EGFLAM: variants seen among roughly 807,000 people sequenced by gnomAD.
EGFLAM encodes the protein EGF like, fibronectin type III and laminin G domains, also known as pikachurin.
EGFLAM carries 79 observed loss-of-function variants against 113.1 expected under a neutral mutation model. That is an observed-to-expected ratio of 0.70 (90% CI 0.58 to 0.84). The LOEUF is 0.84. Ranked by LOEUF, EGFLAM falls within the 40% of genes least tolerant of loss-of-function variation. The pLI is 0.00. For missense variants in EGFLAM, 1,265 were observed against 1,291.6 expected (o/e 0.98, Z 0.32); for synonymous variants, 504 against 487.6 (o/e 1.03, Z -0.44).
chr5:38,435,214 C>CT lies in EGFLAM; in HGVS notation c.2245dup (p.Ser749PhefsTer18). On this transcript the variant is annotated frameshift_variant, in exon 16 of 22. Coordinates refer to ENST00000322350, the MANE Select transcript of EGFLAM (RefSeq NM_152403.4). LOFTEE classifies it high-confidence loss of function. ...CCAATTATGATGATGTGAAGAAGAACTCGGGTGTCCTGAAGCCTTTCAGCG... is the reference window on the plus strand; with the variant it reads ...CCAATTATGATGATGTGAAGAAGAACTTCGGGTGTCCTGAAGCCTTTCAGCG... The CT allele has an allele frequency of 6.2e-7, 1 of 1,614,138 alleles. No homozygotes were observed. The highest frequency in any genetic ancestry group is 8.5e-7 in the Non-Finnish European group (1 of 1,180,026).
intron 5 of EGFLAM, among the ~76,000 whole-genome samples, chr5:38,361,692 TCCTAGG>T (rs2112013747): frequency 6.6e-6 from 1 of 152,250 alleles, no homozygotes; most frequent in South Asian, 2.1e-4. Flanking sequence ...TTCAAAGCTG[TCCTAGG>T]CCGCATGTGG....
In EGFLAM at chr5:38,334,761, T is replaced by A. The variant is rs1228917083; in HGVS notation, c.98-2759T>A. Among the ~76,000 whole-genome samples, 3 of 152,230 alleles carry A rather than the reference T, an allele frequency of 2.0e-5. No homozygotes were observed. The East Asian group carries it at 5.8e-4, about 29-fold the overall frequency. ...AAGAGCTGGTGGGGCTGTGTTACTT[T>A]ATACTGTTACTTATACATCTCATGT... On this transcript the variant is annotated intron_variant, in intron 1 of 21. Transcript: ENST00000322350.
chr5:38,370,495 G>C, intron 6 of EGFLAM, 33 bp downstream of exon 6: 1 of 1,602,492 alleles, frequency 6.2e-7, no homozygotes, highest in Non-Finnish European at 8.5e-7. Context: ...GGGACCAAGG[G>C]AGCTGCATAT....
intron 6 of EGFLAM, among the ~76,000 whole-genome samples, chr5:38,405,699 T>C (rs1295501230): frequency 6.6e-6 from 1 of 152,216 alleles, no homozygotes; most frequent in Non-Finnish European, 1.5e-5. Flanking sequence ...GGTACACAGG[T>C]ACAGGAGTTT....
At chr5:38,304,644 C>T (rs1758681094) in intron 1 of EGFLAM, among the ~76,000 whole-genome samples, 1 of 152,298 alleles carries the variant, frequency 6.6e-6, no homozygotes, top group African/African-American at 2.4e-5. Flanking sequence ...AATCCCCACT[C>T]ACACACACAA....
At chr5:38,445,247 T>C (rs531722838) in intron 17 of EGFLAM, among the ~76,000 whole-genome samples, 25 of 152,336 alleles carry the variant, frequency 1.6e-4, no homozygotes, top group South Asian at 8.3e-4. Context: ...TGGCTTATCA[T>C]TCCTTTTTCA....
intron 4 of EGFLAM, 98 bp downstream of exon 4, chr5:38,350,716 G>C: frequency 8.7e-7 from 1 of 1,153,902 alleles, no homozygotes; most frequent in Non-Finnish European, 1.2e-6. Context: ...GCCAAGCACT[G>C]TGCTAGGCTC....
chr5:38,331,200 C>T (rs1739031604), intron 1 of EGFLAM, among the ~76,000 whole-genome samples: 1 of 152,184 alleles, frequency 6.6e-6, no homozygotes, highest in African/African-American at 2.4e-5. Context: ...CCGTCATCAG[C>T]ATCCCCTATC....
chr5:38,462,986 T>C lies in EGFLAM; in HGVS notation c.2850T>C (p.Leu950=), dbSNP rs1743341402. The change falls in exon 21 of 22, where the codon CTT becomes CTC. Residue 950 remains leucine, a synonymous_variant. Transcript: ENST00000322350. ...TGKSPGMMRQ[L]NINGALYVGG... is the part of the protein sequence containing the mutation. ...AATCCCCAGGCATGATGCGGCAGCT[T>C]AACATCAATGGAGCTCTGTATGTGG... is the stretch of plus-strand genomic sequence containing the variant. The C allele has an allele frequency of 2.5e-6, 4 of 1,614,002 alleles. No homozygotes were observed. Among genetic ancestry groups the C allele is most frequent in the Non-Finnish European group, 3.4e-6 (4 of 1,180,000 alleles).
At chr5:38,339,466 G>C (rs550008114) in intron 3 of EGFLAM, among the ~76,000 whole-genome samples, 1 of 152,158 alleles carries the variant, frequency 6.6e-6, no homozygotes, top group African/African-American at 2.4e-5. Flanking sequence ...AATGGTGGTG[G>C]TGGTGCTAAC....
intron 6 of EGFLAM, among the ~76,000 whole-genome samples, chr5:38,394,633 T>C (rs1173151092): frequency 6.6e-6 from 1 of 151,434 alleles, no homozygotes; most frequent in Admixed American, 6.6e-5. Flanking sequence ...ATGGTCTCGA[T>C]CTCCTGACCT....
intron 6 of EGFLAM, among the ~76,000 whole-genome samples, chr5:38,376,794 C>T (rs1246628824): frequency 1.3e-5 from 2 of 152,200 alleles, no homozygotes; most frequent in Non-Finnish European, 2.9e-5. Flanking sequence ...CCTCAGCCTC[C>T]TGAGTAGCTG....
In EGFLAM at chr5:38,338,419, A is replaced by C. The variant is rs7707485; in HGVS notation, c.208-279A>C. Among the ~76,000 whole-genome samples the C allele has an allele frequency of 6.0e-3, 907 of 152,310 alleles. 11 individuals are homozygous for C. Among genetic ancestry groups the C allele is most frequent in the African/African-American group, 0.021 (859 of 41,570 alleles). On this transcript the variant is annotated intron_variant, in intron 2 of 21. Coordinates refer to ENST00000322350, the MANE Select transcript of EGFLAM (RefSeq NM_152403.4). The stretch of plus-strand genomic sequence containing the variant: ...AAAGTGAGAAAATGAAAGATTACCC[A>C]GGAGGCTCATGCATTTTGGGAAAAA...
At chr5:38,275,150 A>G (rs1757857117) in intron 1 of EGFLAM, among the ~76,000 whole-genome samples, 1 of 152,220 alleles carries the variant, frequency 6.6e-6, no homozygotes, top group Admixed American at 6.5e-5. Flanking sequence ...ACTTAACCAG[A>G]AAGAAATATG....
At chr5:38,419,018 C>T (rs990656263) in intron 12 of EGFLAM, among the ~76,000 whole-genome samples, 12 of 152,138 alleles carry the variant, frequency 7.9e-5, no homozygotes, top group Non-Finnish European at 5.9e-5. Context: ...ATCAAGGTGC[C>T]AGCCAATTTG....
chr5:38,308,026 C>T (rs1031038019), intron 1 of EGFLAM, among the ~76,000 whole-genome samples: 5 of 152,158 alleles, frequency 3.3e-5, no homozygotes, highest in African/African-American at 1.2e-4. Context: ...TATTCCATCA[C>T]CATACTGTTG....
chr5:38,341,802 G>T (rs932081102), intron 3 of EGFLAM, among the ~76,000 whole-genome samples: 1 of 152,188 alleles, frequency 6.6e-6, no homozygotes, highest in Non-Finnish European at 1.5e-5. Flanking sequence ...GGCAGAGAAT[G>T]AGAGCTTAGT....
chr5:38,337,589 A>T lies in EGFLAM; in HGVS notation c.167A>T (p.Lys56Ile), dbSNP rs780305435. Reference protein sequence around the residue: ...LNCTAFSIQWKMPRHPGSPIL... With the variant: ...LNCTAFSIQWIMPRHPGSPIL... Reference sequence around the variant, plus strand: ...TGTACGGCTTTCAGCATCCAGTGGAAAATGCCAAGGCATCCTGGAAGTCCC... The same window carrying T: ...TGTACGGCTTTCAGCATCCAGTGGATAATGCCAAGGCATCCTGGAAGTCCC... Residue 56 changes from lysine to isoleucine, a missense_variant, in exon 2 of 22, where the codon AAA becomes ATA. Lys to Ile is a moderately radical substitution (Grantham distance 102, BLOSUM62 -3). Transcript: ENST00000322350. 6.2e-7 allele frequency: 1 copy of T among 1,606,512 alleles called. No homozygotes were observed. Among genetic ancestry groups the T allele is most frequent in the Non-Finnish European group, 8.5e-7 (1 of 1,176,022 alleles).
intron 14 of EGFLAM, among the ~76,000 whole-genome samples, chr5:38,427,917 C>G (rs1332749776): frequency 2.6e-5 from 4 of 152,148 alleles, no homozygotes; most frequent in Non-Finnish European, 5.9e-5. Context: ...CTACTGTTAT[C>G]TAGTTTGTAC....
Sources: gnomAD v4.1 joint callset for allele counts (sites outside exome capture counted in the v4.1 genomes callset) on GRCh38, gnomAD v4.1.1 for gene constraint, MANE v1.5 for transcripts, NCBI Gene and HGNC (gene_info 2026-07-23, HGNC 2026-07-21) for gene names.